The following PTPRR variants were observed in gnomAD, a reference collection of about 807,000 sequenced individuals.
PTPRR encodes receptor-type tyrosine-protein phosphatase R.
PTPRR carries 38 observed loss-of-function variants against 77.2 expected under a neutral mutation model. The observed-to-expected ratio is 0.49, with a 90% CI of 0.38 to 0.65. PTPRR has a LOEUF of 0.65. Among genes scored for constraint, PTPRR ranks in the 30% least tolerant of loss-of-function variants. The pLI is 0.00. For missense variants in PTPRR, 744 were observed against 799.2 expected, an observed-to-expected ratio of 0.93 and a Z score of 0.83; for synonymous variants, 299 against 283.1, an observed-to-expected ratio of 1.06 and a Z score of -0.57.
chr12:70,894,076 GT>G (rs1893383925), intron 1 of PTPRR, among the ~76,000 whole-genome samples: 1 of 151,746 alleles, frequency 6.6e-6, no homozygotes, highest in African/African-American at 2.4e-5. Context: ...CATGAGATCT[GT>G]TTTATAACAT....
chr12:70,730,322 C>G lies in PTPRR; in HGVS notation c.1007+15496G>C, dbSNP rs905029444. On this transcript the variant is annotated intron_variant, in intron 6 of 13. Coordinates refer to ENST00000283228, the MANE Select transcript of PTPRR (RefSeq NM_002849.4). ...GGTCAGGAGTTCAAGACCTGCCTGG[C>G]CAACATGGTGAAACCCCGTCTCTAC... Among the ~76,000 whole-genome samples the G allele has an allele frequency of 2.0e-5, 3 of 151,976 alleles. No individual in the cohort carries two copies. In the East Asian group the frequency reaches 5.8e-4, roughly 29 times the overall value.
At chr12:70,764,349 T>C (rs1890762474) in intron 3 of PTPRR, among the ~76,000 whole-genome samples, 1 of 152,144 alleles carries the variant, frequency 6.6e-6, no homozygotes, top group Non-Finnish European at 1.5e-5. Flanking sequence ...TTGGGCTCTT[T>C]CATATTTACC....
Position 70,684,181 on chromosome 12 carries a change from C to T in PTPRR, c.1443G>A (p.Trp481Ter), listed in dbSNP as rs1566066007. The change falls in exon 10 of 14, where the codon TGG becomes TGA. Residue 481 changes from tryptophan (W) to a stop codon, truncating the protein, a stop_gained. Coordinates refer to ENST00000283228, the MANE Select transcript of PTPRR (RefSeq NM_002849.4). LOFTEE classifies it high-confidence loss of function. ...NTVDDFWQMV[W>*]QEDSPVIVMI... ...TAACAATCACAGGGCTGTCTTCCTG[C>T]CAAACCATCTGCCAGAAATCATCCA... 1.2e-6 allele frequency: 2 copies of T among 1,614,048 alleles called. No individual in the cohort carries two copies. Among genetic ancestry groups the T allele is most frequent in the Non-Finnish European group, 1.7e-6 (2 of 1,179,972 alleles).
intron 2 of PTPRR, among the ~76,000 whole-genome samples, chr12:70,765,484 A>T (rs1422171868): frequency 6.6e-6 from 1 of 152,148 alleles, no homozygotes; most frequent in Non-Finnish European, 1.5e-5. Flanking sequence ...GCCCAGGCTC[A>T]CTTAGGTAAA....
intron 6 of PTPRR, among the ~76,000 whole-genome samples, chr12:70,738,361 A>G (rs773690739): frequency 6.6e-6 from 1 of 152,222 alleles, no homozygotes; most frequent in Non-Finnish European, 1.5e-5. Flanking sequence ...AAAAACACCC[A>G]TTAATATCAT....
At chr12:70,674,510 G>A (rs1050187606) in intron 10 of PTPRR, among the ~76,000 whole-genome samples, 1 of 152,084 alleles carries the variant, frequency 6.6e-6, no homozygotes, top group Admixed American at 6.5e-5. Flanking sequence ...TGAATTGTGT[G>A]TGTGTTAAAA....
chr12:70,860,234 A>C (rs938405070), intron 2 of PTPRR, among the ~76,000 whole-genome samples: 3 of 152,142 alleles, frequency 2.0e-5, no homozygotes, highest in African/African-American at 4.8e-5. Flanking sequence ...TGAATGCATA[A>C]GTACATACAT....
intron 1 of PTPRR, among the ~76,000 whole-genome samples, chr12:70,918,554 G>A (rs1202835704): frequency 2.0e-5 from 3 of 152,118 alleles, no homozygotes; most frequent in South Asian, 2.1e-4. Context: ...TTTCTCATCT[G>A]ATGAGCAAAA....
At chr12:70,880,021 C>G (rs562150721) in intron 2 of PTPRR, among the ~76,000 whole-genome samples, 5 of 152,206 alleles carry the variant, frequency 3.3e-5, no homozygotes, top group African/African-American at 1.2e-4. Flanking sequence ...ATAAAATAAT[C>G]ATGATTCTCT....
At chr12:70,817,880 T>G (rs988405913) in intron 2 of PTPRR, among the ~76,000 whole-genome samples, 1 of 152,242 alleles carries the variant, frequency 6.6e-6, no homozygotes, top group Non-Finnish European at 1.5e-5. Flanking sequence ...TTTTTAAAAT[T>G]AGTTTATAAC....
chr12:70,700,286 C>CAA (rs1888372826), intron 7 of PTPRR, among the ~76,000 whole-genome samples: 2 of 152,272 alleles, frequency 1.3e-5, no homozygotes, highest in African/African-American at 4.8e-5. Flanking sequence ...AGGTGATCAA[C>CAA]AAAGTCAATA....
At chr12:70,838,824 A>G (rs1892347443) in intron 2 of PTPRR, among the ~76,000 whole-genome samples, 1 of 152,126 alleles carries the variant, frequency 6.6e-6, no homozygotes. Flanking sequence ...CCTAGGACCA[A>G]TCTGGTTTGA....
At position 70,745,822 on chromosome 12, in the gene PTPRR, C is replaced by G; in HGVS notation, c.1003G>C (p.Glu335Gln). 1 of 1,614,026 alleles carries G rather than the reference C, an allele frequency of 6.2e-7. No individual in the cohort carries two copies. The highest frequency in any genetic ancestry group is 8.5e-7 in the Non-Finnish European group (1 of 1,179,964). ...PFKMKPIGLQ[E>Q]RRGSNVSLTL... is the part of the protein sequence containing the mutation. ...GTATACAGAACAAGCTCTTACCTCTCTTGAAGTCCTATGGGCTTCATTTTG... is the reference window on the plus strand; with the variant it reads ...GTATACAGAACAAGCTCTTACCTCTGTTGAAGTCCTATGGGCTTCATTTTG... The change falls in exon 6 of 14, where the codon GAG becomes CAG. Residue 335 changes from glutamate to glutamine, a missense_variant. Transcript: ENST00000283228.
At chr12:70,818,518 T>G (rs1240502936) in intron 2 of PTPRR, among the ~76,000 whole-genome samples, 1 of 152,116 alleles carries the variant, frequency 6.6e-6, no homozygotes, top group South Asian at 2.1e-4. Flanking sequence ...TTATTTGAGA[T>G]CATTGCAGAA....
chr12:70,737,821 C>T (rs964729470), intron 6 of PTPRR, among the ~76,000 whole-genome samples: 1 of 152,166 alleles, frequency 6.6e-6, no homozygotes, highest in African/African-American at 2.4e-5. Flanking sequence ...CCATTTGCAG[C>T]CATGAATACA....
intron 6 of PTPRR, among the ~76,000 whole-genome samples, chr12:70,713,222 C>CAGT (rs1888896687): frequency 6.6e-6 from 1 of 152,130 alleles, no homozygotes; most frequent in African/African-American, 2.4e-5. Context: ...TAGCATCTAT[C>CAGT]AGTACTACAT....
chr12:70,899,170 A>G (rs1392384463), intron 1 of PTPRR, among the ~76,000 whole-genome samples: 2 of 151,578 alleles, frequency 1.3e-5, no homozygotes, highest in African/African-American at 2.4e-5. Flanking sequence ...TCAAATCTAT[A>G]TAATTTCTCC....
intron 2 of PTPRR, among the ~76,000 whole-genome samples, chr12:70,842,401 GCTGCTGTAAGAAGTTA>G (rs1172919615): frequency 6.6e-6 from 1 of 152,148 alleles, no homozygotes; most frequent in Admixed American, 6.6e-5. Flanking sequence ...GTTTCCTGTG[GCTGCTGTAAGAAGTTA>G]CCACAAAATA....
In PTPRR at chr12:70,755,566, G is replaced by A. The variant is rs561272639; in HGVS notation, c.628-1265C>T. Reference sequence around the variant, plus strand: ...TGATTACAAAAATTATTTGGAGAAAGCCTTTATTAAATGCTAACGTAATCA... The same window carrying A: ...TGATTACAAAAATTATTTGGAGAAAACCTTTATTAAATGCTAACGTAATCA... On this transcript the variant is annotated intron_variant, in intron 4 of 13. Coordinates refer to ENST00000283228, the MANE Select transcript of PTPRR (RefSeq NM_002849.4). Among the ~76,000 whole-genome samples the A allele has an allele frequency of 1.9e-4, 29 of 152,254 alleles. No homozygotes were observed. The South Asian group carries it at 6.0e-3, about 32-fold the overall frequency.
Sources: allele counts gnomAD v4.1 joint callset (sites outside exome capture counted in the v4.1 genomes callset), GRCh38; gene constraint gnomAD v4.1.1; transcripts MANE v1.5; gene names NCBI Gene and HGNC (gene_info 2026-07-23, HGNC 2026-07-21).